Variants in NBEA observed in about 807,000 individuals in gnomAD.
The protein encoded by NBEA is neurobeachin, also known as lysosomal-trafficking regulator 2.
Under a neutral mutation model 343.4 loss-of-function variants are expected in NBEA, and 44 were observed. The observed-to-expected ratio is 0.13, with a 90% confidence interval of 0.10 to 0.16. The LOEUF (loss-of-function observed/expected upper bound fraction) is 0.16, where lower values mean the gene tolerates loss of function less well. Ranked by LOEUF, NBEA falls within the 10% of genes least tolerant of loss-of-function variation. The pLI is 1.00. For synonymous variants in NBEA, 1,175 were observed against 1,238.7 expected (o/e 0.95, Z 1.08); for missense variants, 2,555 against 3,631.3 (o/e 0.70, Z 7.62).
rs1443666914 is a variant in NBEA, at chr13:35,588,286, A to T, written c.7176+4248A>T. On this transcript the variant is annotated intron_variant, in intron 46 of 58. Coordinates refer to ENST00000379939, the MANE Select transcript of NBEA (RefSeq NM_001385012.1). ...GGTTATAAATAAAAGTATCAGTCTA[A>T]TGGTTTACTAAGTATTTATCCTTAT... 3.9e-5 allele frequency among the ~76,000 whole-genome samples: 6 copies of T among 152,118 alleles called. No individual in the cohort carries two copies. The East Asian group carries it at 1.2e-3, about 29-fold the overall frequency.
At chr13:35,414,842 T>C (rs531401155) in intron 38 of NBEA, among the ~76,000 whole-genome samples, 7,025 of 152,184 alleles carry the variant, frequency 0.046, 264 homozygotes, top group Non-Finnish European at 0.073. Context: ...TTTACAGTCC[T>C]ACCAACAGTG....
chr13:35,157,550 T>A (rs2069255119), intron 21 of NBEA, among the ~76,000 whole-genome samples: 1 of 152,174 alleles, frequency 6.6e-6, no homozygotes, highest in Admixed American at 6.6e-5. Flanking sequence ...CTGAGCCACT[T>A]GCTCTTTCAA....
intron 32 of NBEA, among the ~76,000 whole-genome samples, chr13:35,209,398 A>G (rs990442610): frequency 2.6e-5 from 4 of 152,208 alleles, no homozygotes; most frequent in Non-Finnish European, 5.9e-5. Context: ...ATTCATATAC[A>G]TAGATTATAA....
At chr13:35,029,699 A>G (rs1378328207) in intron 1 of NBEA, among the ~76,000 whole-genome samples, 1 of 151,694 alleles carries the variant, frequency 6.6e-6, no homozygotes, top group Admixed American at 6.6e-5. Context: ...GACTCACTCT[A>G]TACCTAAAAC....
At chr13:35,081,916 G>A (rs899653178) in intron 10 of NBEA, among the ~76,000 whole-genome samples, 5 of 151,680 alleles carry the variant, frequency 3.3e-5, no homozygotes, top group African/African-American at 1.2e-4. Flanking sequence ...TTCCATTTTG[G>A]TAACTTTTTT....
chr13:35,258,802 G>T (rs2032921219), intron 34 of NBEA, among the ~76,000 whole-genome samples: 1 of 151,964 alleles, frequency 6.6e-6, no homozygotes, highest in Non-Finnish European at 1.5e-5. Context: ...TTTAATGATG[G>T]TGCAAAAACG....
intron 26 of NBEA, 38 bp downstream of exon 26, chr13:35,171,490 ATC>A: frequency 6.5e-7 from 1 of 1,546,360 alleles, no homozygotes; most frequent in Non-Finnish European, 8.8e-7. Context: ...TCAAATAATT[ATC>A]TACAGAGCAG....
At chr13:35,621,231 C>A (rs919956559) in intron 48 of NBEA, among the ~76,000 whole-genome samples, 5 of 152,118 alleles carry the variant, frequency 3.3e-5, no homozygotes, top group Admixed American at 6.5e-5. Context: ...TCCCAAAGAT[C>A]AGAGGTTTTG....
At chr13:35,108,253 C>T (rs984371625) in intron 11 of NBEA, among the ~76,000 whole-genome samples, 3 of 151,850 alleles carry the variant, frequency 2.0e-5, no homozygotes, top group African/African-American at 4.8e-5. Context: ...GATAGTGATA[C>T]TACAAAATAG....
chr13:35,529,847 T>C (rs764855814), intron 41 of NBEA, among the ~76,000 whole-genome samples: 6 of 152,254 alleles, frequency 3.9e-5, no homozygotes, highest in Non-Finnish European at 8.8e-5. Flanking sequence ...ATACTCATTT[T>C]GTACCATTAT....
At chr13:35,135,921 TC>T (rs2067700064) in intron 17 of NBEA, among the ~76,000 whole-genome samples, 1 of 131,872 alleles carries the variant, frequency 7.6e-6, no homozygotes, top group African/African-American at 2.9e-5. Context: ...CCCTCCCCCC[TC>T]AAAAAAAAGA....
At chr13:35,559,508 C>T (rs1359080408) in intron 44 of NBEA, among the ~76,000 whole-genome samples, 1 of 151,976 alleles carries the variant, frequency 6.6e-6, no homozygotes, top group Non-Finnish European at 1.5e-5. Flanking sequence ...AATCTAAAGC[C>T]AAGACATGGT....
intron 1 of NBEA, among the ~76,000 whole-genome samples, chr13:35,005,645 AAC>A (rs904545418): frequency 1.5e-4 from 23 of 152,160 alleles, no homozygotes; most frequent in African/African-American, 5.6e-4. Flanking sequence ...CAGAAAGTGA[AAC>A]AGTTACTTAC....
chr13:35,354,813 T>C (rs2040400527), intron 38 of NBEA, among the ~76,000 whole-genome samples: 1 of 152,294 alleles, frequency 6.6e-6, no homozygotes, highest in South Asian at 2.1e-4. Flanking sequence ...AATATGTTGA[T>C]AACTCCAAAA....
intron 40 of NBEA, among the ~76,000 whole-genome samples, chr13:35,463,235 A>G (rs1013520268): frequency 6.6e-6 from 1 of 152,230 alleles, no homozygotes; most frequent in African/African-American, 2.4e-5. Context: ...GCATTTTTCA[A>G]ACTAATGCTC....
chr13:35,584,511 T>A (rs951088587), intron 46 of NBEA, among the ~76,000 whole-genome samples: 2 of 151,356 alleles, frequency 1.3e-5, no homozygotes, highest in African/African-American at 4.9e-5. Flanking sequence ...CTTCTTTTTT[T>A]TTTTTTGAGA....
At position 35,142,294 on chromosome 13, in the gene NBEA, C is replaced by T. The variant is rs372366538; in HGVS notation, c.2362C>T (p.His788Tyr). Residue 788 changes from histidine (H) to tyrosine (Y), a missense_variant, in exon 18 of 59, where the codon CAT (histidine) becomes TAT (tyrosine). Transcript: ENST00000379939. ...GAGAAAAGTTGAAATTATGCACACC[C>T]ATAGTCTTTTCACTCTTCTTGGAGA... ...HKRKVEIMHT[H>Y]SLFTLLGERL... 3.1e-6 allele frequency: 5 copies of T among 1,612,886 alleles called. No individual in the cohort carries two copies. In the African/African-American group the frequency reaches 6.7e-5, roughly 22 times the overall value.
In NBEA at chr13:35,209,451, G is replaced by A. The variant is rs148839116; in HGVS notation, c.5521+597G>A. The stretch of plus-strand genomic sequence containing the variant: ...CCCAACAAATTCCTAATGAATCTAG[G>A]AACAAAAAATTTCAAATCAATTACA... On this transcript the variant is annotated intron_variant, in intron 32 of 58. Coordinates refer to ENST00000379939, the MANE Select transcript of NBEA (RefSeq NM_001385012.1). Among the ~76,000 whole-genome samples, 1,470 of 151,322 alleles carry A rather than the reference G, an allele frequency of 9.7e-3. 9 individuals carry two copies. The highest frequency in any genetic ancestry group is 0.024 in the Middle Eastern group (7 of 292).
intron 34 of NBEA, among the ~76,000 whole-genome samples, chr13:35,273,701 A>G (rs1214528098): frequency 6.6e-6 from 1 of 152,172 alleles, no homozygotes; most frequent in African/African-American, 2.4e-5. Flanking sequence ...GTTCCTGCAG[A>G]AATACAAACT....
Sources: allele counts gnomAD v4.1 joint callset (sites outside exome capture counted in the v4.1 genomes callset), GRCh38; gene constraint gnomAD v4.1.1; transcripts MANE v1.5; gene names NCBI Gene and HGNC (gene_info 2026-07-23, HGNC 2026-07-21).